NDUFB8: variants seen among roughly 807,000 people sequenced by gnomAD.
NDUFB8 encodes NADH dehydrogenase [ubiquinone] 1 beta subcomplex subunit 8, mitochondrial.
Under a neutral mutation model 26.0 loss-of-function variants are expected in NDUFB8, and 17 were observed. That is an observed-to-expected ratio of 0.65 (90% confidence interval 0.45 to 0.98). NDUFB8 has a LOEUF of 0.98. Ranked by LOEUF, NDUFB8 falls within the 50% of genes least tolerant of loss-of-function variation. NDUFB8 has a pLI of 0.00. For synonymous variants in NDUFB8, 89 were observed against 93.1 expected, an observed-to-expected ratio of 0.96 and a Z score of 0.25; for missense variants, 238 against 255.0, an observed-to-expected ratio of 0.93 and a Z score of 0.45.
chr10:100,528,323 T>C (rs1018205505), intron 2 of NDUFB8, among the ~76,000 whole-genome samples: 1 of 152,198 alleles, frequency 6.6e-6, no homozygotes, highest in Admixed American at 6.5e-5. Flanking sequence ...CTAATGTTCA[T>C]ACAATGAGGA....
chr10:100,529,657 T>C (rs1430502261), intron 1 of NDUFB8, 110 bp downstream of exon 1: 2 of 1,536,698 alleles, frequency 1.3e-6, no homozygotes, highest in Admixed American at 1.9e-5. Context: ...CAACGCCACC[T>C]CCACTCCCTA....
chr10:100,525,770 A>C (rs1852038794), intron 4 of NDUFB8, among the ~76,000 whole-genome samples: 2 of 132,398 alleles, frequency 1.5e-5, no homozygotes, highest in African/African-American at 6.7e-5. Flanking sequence ...GTGTGTTAGC[A>C]TCTAGGTAGC....
At position 100,523,776 on chromosome 10, in the gene NDUFB8, G is replaced by C. The variant is rs1262381753; in HGVS notation, c.*61C>G. ...TGAGTTTTATTAGGGATTTCATTAA[G>C]GTTAAATTTCTAGGAATGAGGGAGT... On this transcript the variant is annotated 3_prime_UTR_variant, in exon 5 of 5. Transcript: ENST00000299166. The C allele has an allele frequency of 1.4e-6, 2 of 1,468,290 alleles. No individual in the cohort carries two copies. The highest frequency in any genetic ancestry group is 1.8e-5 in the Admixed American group (1 of 56,736). The allele number at this position is 1,468,290 out of a possible 1,614,324, so 91.0% of individuals were successfully genotyped here.
At position 100,524,247 on chromosome 10, in the gene NDUFB8, G is replaced by A; in HGVS notation, c.469-318C>T. On this transcript the variant is annotated intron_variant, in intron 4 of 4. Transcript: ENST00000299166. This position sits in a 1 kb window ranked among gnomAD's most constrained non-coding sequence, Gnocchi z 4.0. ...AAGAGAGAAGAGTGTGTTAGAGTCA[G>A]AGGCAACACTTTCTAAATGAGACGA... The A allele has an allele frequency of 3.1e-6, 3 of 978,822 alleles. No homozygotes were observed. The highest frequency in any genetic ancestry group is 4.7e-6 in the Non-Finnish European group (3 of 632,890). The allele number at this position is 978,822 out of a possible 1,614,324, so 60.6% of individuals were successfully genotyped here.
At position 100,526,494 on chromosome 10, in the gene NDUFB8, A is replaced by T. The variant is rs1802224; in HGVS notation, c.373T>A (p.Ser125Thr). The T allele has an allele frequency of 7.2e-4, 1,164 of 1,612,052 alleles. 9 individuals carry two copies. The African/African-American group carries it at 0.013, about 19-fold the overall frequency. The stretch of plus-strand genomic sequence containing the variant: ...AGCTGCATACACATGACATGCCAAG[A>T]AACAGGTGTGGGGGATGTATCCACA... ...NRVDTSPTPVSWHVMCMQLFG... is the reference protein window; with the variant it reads ...NRVDTSPTPVTWHVMCMQLFG... The change falls in exon 4 of 5, where the codon TCT becomes ACT. Residue 125 changes from serine to threonine, a missense_variant. By Grantham distance (58) the Ser-to-Thr change is moderately conservative. Transcript: ENST00000299166.
Position 100,523,946 on chromosome 10 carries a change from A to G in NDUFB8, c.469-17T>C, listed in dbSNP as rs376012384. The stretch of plus-strand genomic sequence containing the variant: ...CTTTGGTCCCTACAGAAAAAAACAC[A>G]GGTCAGCAAGAACATACATTCAGTC... On this transcript the variant is annotated splice_polypyrimidine_tract_variant and intron_variant, in intron 4 of 4. Transcript: ENST00000299166. 8 of 1,613,962 alleles carry G rather than the reference A, an allele frequency of 5.0e-6. No homozygotes were observed. Among genetic ancestry groups the G allele is most frequent in the Non-Finnish European group, 6.8e-6 (8 of 1,179,988 alleles).
In NDUFB8 at chr10:100,524,642, C is replaced by T. The variant is rs566559413; in HGVS notation, c.469-713G>A. ...GTAGGAAGGCTCGTGTCAGTGCACA[C>T]AGACATACCAGCTACCTTCAGGACA... On this transcript the variant is annotated intron_variant, in intron 4 of 4. Coordinates refer to ENST00000299166, the MANE Select transcript of NDUFB8 (RefSeq NM_005004.4). The surrounding 1 kb of genome is among the most constrained non-coding windows in gnomAD (Gnocchi z 4.0). Among the ~76,000 whole-genome samples the T allele has an allele frequency of 1.2e-4, 18 of 152,338 alleles. No individual in the cohort carries two copies. Among genetic ancestry groups the T allele is most frequent in the African/African-American group, 4.3e-4 (18 of 41,574 alleles).
chr10:100,529,877 TGC>T (rs1852123718), upstream of NDUFB8: 5 of 1,612,264 alleles, frequency 3.1e-6, no homozygotes, highest in Non-Finnish European at 4.2e-6. Context: ...GTTTCCCTTC[TGC>T]ACATGCGCAA....
At chr10:100,529,581 T>A in intron 1 of NDUFB8, 75 bp from the exon 2 acceptor site, 1 of 1,594,070 alleles carries the variant, frequency 6.3e-7, no homozygotes, top group Non-Finnish European at 8.5e-7. Context: ...TCGCAGGGGC[T>A]GCAGAGGTCC....
intron 2 of NDUFB8, chr10:100,528,940 A>AT (rs534753400): frequency 3.6e-4 from 55 of 153,074 alleles, no homozygotes; most frequent in African/African-American, 1.3e-3. Context: ...ACAGAAAAAC[A>AT]TTTTTTTTAA....
Position 100,526,511 on chromosome 10 carries a change from G to A in NDUFB8, c.356C>T (p.Thr119Ile), listed in dbSNP as rs1289475597. 6.2e-7 allele frequency: 1 copy of A among 1,611,248 alleles called. No homozygotes were observed. Residue 119 changes from threonine to isoleucine, a missense_variant, in exon 4 of 5, where the codon ACA becomes ATA. By Grantham distance (89) the Thr-to-Ile change is moderately conservative (BLOSUM62 -1). Coordinates refer to ENST00000299166, the MANE Select transcript of NDUFB8 (RefSeq NM_005004.4). Reference protein sequence around the residue: ...LDMYNRNRVDTSPTPVSWHVM... With the variant: ...LDMYNRNRVDISPTPVSWHVM... The stretch of plus-strand genomic sequence containing the variant: ...ATGCCAAGAAACAGGTGTGGGGGAT[G>A]TATCCACACGGTTCCTGTTGTACAT...
chr10:100,523,889 C>T lies in NDUFB8; in HGVS notation c.509G>A (p.Arg170Gln), dbSNP rs143117272. The T allele has an allele frequency of 1.2e-5, 19 of 1,614,188 alleles. No individual in the cohort carries two copies. The highest frequency in any genetic ancestry group is 4.4e-5 in the South Asian group (4 of 91,090). ...QYPYNNLYLE[R>Q]GGDPSKEPER... is the part of the protein sequence containing the mutation. ...TGGTTCTTTGGAGGGATCACCGCCTCGTTCCAGGTACAGATTATTGTAAGG... is the reference window on the plus strand; with the variant it reads ...TGGTTCTTTGGAGGGATCACCGCCTTGTTCCAGGTACAGATTATTGTAAGG... The change falls in exon 5 of 5, where the codon CGA becomes CAA. Residue 170 changes from arginine to glutamine, a missense_variant. By Grantham distance (43) the Arg-to-Gln change is conservative. Transcript: ENST00000299166.
chr10:100,529,594 G>A, intron 1 of NDUFB8, 88 bp from the exon 2 acceptor site: 2 of 1,584,004 alleles, frequency 1.3e-6, no homozygotes, highest in Non-Finnish European at 1.7e-6. Context: ...AGAGGTCCGA[G>A]CCCGGGACTT....
intron 4 of NDUFB8, 53 bp downstream of exon 4, chr10:100,526,346 C>T (rs560489225): frequency 6.6e-7 from 1 of 1,517,836 alleles, no homozygotes; most frequent in Non-Finnish European, 8.8e-7. Flanking sequence ...TTCACTCCCT[C>T]AGGAAATGGG....
rs557000252 is a variant in NDUFB8, at chr10:100,529,278, G to T, written c.212+102C>A. The T allele has an allele frequency of 8.3e-5, 94 of 1,138,994 alleles. 2 individuals are homozygous for T. In the East Asian group the frequency reaches 3.3e-3, roughly 40 times the overall value. 70.6% of individuals were successfully genotyped at this position (1,138,994 alleles called of 1,614,324 possible). The stretch of plus-strand genomic sequence containing the variant: ...AGCACCCACTCCATTGACTCTGAGG[G>T]GTCACGAGAAGGTTCGGGAAAAAGG... On this transcript the variant is annotated intron_variant, in intron 2 of 4. Transcript: ENST00000299166.
chr10:100,523,944 ACAGGT>A lies in NDUFB8; in HGVS notation c.469-20_469-16del. 6.2e-7 allele frequency: 1 copy of A among 1,614,102 alleles called. No individual in the cohort carries two copies. The highest frequency in any genetic ancestry group is 8.5e-7 in the Non-Finnish European group (1 of 1,180,016). On this transcript the variant is annotated splice_polypyrimidine_tract_variant and intron_variant, in intron 4 of 4. Transcript: ENST00000299166. ...TGCTTTGGTCCCTACAGAAAAAAAC[ACAGGT>A]CAGCAAGAACATACATTCAGTCAAT...
Position 100,529,419 on chromosome 10 carries a change from C to A in NDUFB8, c.173G>T (p.Arg58Leu), listed in dbSNP as rs777566917. 1.2e-6 allele frequency: 2 copies of A among 1,612,906 alleles called. No homozygotes were observed. Among genetic ancestry groups the A allele is most frequent in the Non-Finnish European group, 1.7e-6 (2 of 1,179,648 alleles). The change falls in exon 2 of 5, where the codon CGT becomes CTT. Residue 58 changes from arginine to leucine, a missense_variant. Physicochemically the swap from Arg to Leu is moderately radical, Grantham distance 102. Coordinates refer to ENST00000299166, the MANE Select transcript of NDUFB8 (RefSeq NM_005004.4). ...RAAAAKKYNM[R>L]VEDYEPYPDD... is the part of the protein sequence containing the mutation. ...CGGGTAAGGTTCGTAGTCTTCCACA[C>A]GCATATTATACTTCTTGGCGGCGGC...
chr10:100,527,624 A>C (rs1016985896), intron 2 of NDUFB8, among the ~76,000 whole-genome samples: 4 of 152,248 alleles, frequency 2.6e-5, no homozygotes, highest in Admixed American at 2.0e-4. Flanking sequence ...CAAAACAAAA[A>C]AACCCAGCTT....
At chr10:100,526,885 G>A in intron 3 of NDUFB8, 90 bp downstream of exon 3, 2 of 1,237,298 alleles carry the variant, frequency 1.6e-6, no homozygotes, top group Non-Finnish European at 2.3e-6. Context: ...AAAGCTTAGT[G>A]TTACTTGGTC....
Sources: allele counts gnomAD v4.1 joint callset (sites outside exome capture counted in the v4.1 genomes callset), GRCh38; gene constraint gnomAD v4.1.1; non-coding constraint Gnocchi (gnomAD v3.1); transcripts MANE v1.5; gene names NCBI Gene and HGNC (gene_info 2026-07-23, HGNC 2026-07-21).